The following ADAMTS2 variants were observed in gnomAD, a reference collection of about 807,000 sequenced individuals.
ADAMTS2 encodes the protein ADAM metallopeptidase with thrombospondin type 1 motif 2, also known as A disintegrin and metalloproteinase with thrombospondin motifs 2.
ADAMTS2 carries 50 observed loss-of-function variants against 123.0 expected under a neutral mutation model. The ratio of observed to expected loss-of-function variants is 0.41; its 90% CI spans 0.32 to 0.51. The LOEUF (loss-of-function observed/expected upper bound fraction) is 0.51, where lower values mean the gene tolerates loss of function less well. Ranked by LOEUF, ADAMTS2 falls within the 20% of genes least tolerant of loss-of-function variation. The pLI, the probability that ADAMTS2 is intolerant of heterozygous loss-of-function variation, is 0.35. For synonymous variants in ADAMTS2, 678 were observed against 695.4 expected, an observed-to-expected ratio of 0.98 and a Z score of 0.39; for missense variants, 1,494 against 1,705.2, an observed-to-expected ratio of 0.88 and a Z score of 2.18.
chr5:179,124,278 C>CA (rs1396617796), intron 19 of ADAMTS2, among the ~76,000 whole-genome samples: 2 of 152,172 alleles, frequency 1.3e-5, no homozygotes, highest in African/African-American at 4.8e-5. Flanking sequence ...ACCGGGCTGT[C>CA]AGAGCTCACG....
chr5:179,255,381 T>G (rs1305484131), intron 3 of ADAMTS2, among the ~76,000 whole-genome samples: 1 of 152,154 alleles, frequency 6.6e-6, no homozygotes, highest in Non-Finnish European at 1.5e-5. Context: ...TTATACACAT[T>G]TTTGGGGCAG....
rs1757901481 is a variant in ADAMTS2 at position 179,345,081 on chromosome 5, G to A, written c.139+109C>T. On this transcript the variant is annotated intron_variant, in intron 1 of 21. Transcript: ENST00000251582. This position sits in a 1 kb window ranked among gnomAD's most constrained non-coding sequence, Gnocchi z 7.5. ...AACTTGGCCCCGGGCGGGGCGCGCGGAGTTTGCCCAAGTCAGGCTGGACGA... is the reference window on the plus strand; with the variant it reads ...AACTTGGCCCCGGGCGGGGCGCGCGAAGTTTGCCCAAGTCAGGCTGGACGA... The A allele has an allele frequency of 1.8e-5, 16 of 867,216 alleles. No homozygotes were observed. Among genetic ancestry groups the A allele is most frequent in the Non-Finnish European group, 2.1e-5 (15 of 710,872 alleles). 53.7% of individuals were successfully genotyped at this position (867,216 alleles called of 1,614,324 possible).
At chr5:179,216,121 C>T (rs1051542044) in intron 3 of ADAMTS2, among the ~76,000 whole-genome samples, 11 of 152,190 alleles carry the variant, frequency 7.2e-5, no homozygotes, top group Non-Finnish European at 1.3e-4. Context: ...ATAGAGAAAA[C>T]GGGAGCCCAA....
At chr5:179,329,147 G>C (rs1415971140) in intron 2 of ADAMTS2, among the ~76,000 whole-genome samples, 1 of 151,778 alleles carries the variant, frequency 6.6e-6, no homozygotes, top group South Asian at 2.1e-4. Flanking sequence ...CTAACACGGT[G>C]AAACCCCGTC....
chr5:179,147,210 T>C (rs1763265930), intron 10 of ADAMTS2, among the ~76,000 whole-genome samples: 1 of 152,204 alleles, frequency 6.6e-6, no homozygotes, highest in Non-Finnish European at 1.5e-5. Context: ...TGCCTCAGCC[T>C]CCCCAGTAGC....
chr5:179,297,962 C>G (rs1463681319), intron 2 of ADAMTS2, among the ~76,000 whole-genome samples: 5 of 152,106 alleles, frequency 3.3e-5, no homozygotes, highest in Admixed American at 1.3e-4. Flanking sequence ...CTGCTCCCTC[C>G]CACGCACCAA....
chr5:179,342,374 TG>T, intron 2 of ADAMTS2, among the ~76,000 whole-genome samples: 1 of 152,270 alleles, frequency 6.6e-6, no homozygotes, highest in South Asian at 2.1e-4. Context: ...TCAGAGACAG[TG>T]GGCGATGTCA....
chr5:179,269,436 C>T (rs760818339), intron 3 of ADAMTS2, among the ~76,000 whole-genome samples: 9 of 152,154 alleles, frequency 5.9e-5, no homozygotes, highest in East Asian at 1.9e-4. Flanking sequence ...ATGAAAGGCA[C>T]GTCTCACATG....
intron 3 of ADAMTS2, among the ~76,000 whole-genome samples, chr5:179,257,968 C>T (rs898420718): frequency 3.3e-5 from 5 of 152,324 alleles, no homozygotes; most frequent in Admixed American, 2.0e-4. Context: ...TGGCCGACCC[C>T]GTGTCTACCT....
chr5:179,267,990 G>A (rs998156920), intron 3 of ADAMTS2, among the ~76,000 whole-genome samples: 21 of 152,230 alleles, frequency 1.4e-4, no homozygotes, highest in Non-Finnish European at 2.2e-4. Context: ...AGCTGTTGCC[G>A]ACTCACTGAG....
chr5:179,172,725 T>C (rs138476250), intron 5 of ADAMTS2, among the ~76,000 whole-genome samples: 16 of 152,362 alleles, frequency 1.1e-4, no homozygotes, highest in African/African-American at 2.6e-4. Flanking sequence ...GATGTCTTCA[T>C]TGAAATCAGA....
chr5:179,294,225 C>T (rs1756269583), intron 2 of ADAMTS2, among the ~76,000 whole-genome samples: 1 of 152,136 alleles, frequency 6.6e-6, no homozygotes, highest in Admixed American at 6.5e-5. Flanking sequence ...CACTGCACTC[C>T]AGCCTGGGTA....
At chr5:179,232,671 C>T (rs1006953665) in intron 3 of ADAMTS2, among the ~76,000 whole-genome samples, 1 of 152,176 alleles carries the variant, frequency 6.6e-6, no homozygotes, top group African/African-American at 2.4e-5. Context: ...GCCACTCAGA[C>T]GATTCCCACG....
intron 2 of ADAMTS2, among the ~76,000 whole-genome samples, chr5:179,310,247 C>T (rs1201006631): frequency 6.6e-6 from 1 of 152,228 alleles, no homozygotes; most frequent in Non-Finnish European, 1.5e-5. Context: ...GGCTGCAGCT[C>T]CCAGCGGGCA....
intron 2 of ADAMTS2, among the ~76,000 whole-genome samples, chr5:179,281,128 G>A (rs1274638624): frequency 6.6e-6 from 1 of 152,212 alleles, no homozygotes; most frequent in Non-Finnish European, 1.5e-5. Flanking sequence ...AAAGTGCTGG[G>A]ATTACAGGCA....
At position 179,285,502 on chromosome 5, in the gene ADAMTS2, C is replaced by T. The variant is rs571208832; in HGVS notation, c.535-12438G>A. On this transcript the variant is annotated intron_variant, in intron 2 of 21. Transcript: ENST00000251582. The surrounding 1 kb of genome is among the most constrained non-coding windows in gnomAD (Gnocchi z 4.9). ...CTCCCCCATCTCCATGGCTCCTGCA[C>T]ACACCAATGCCGGGGTAGCCTCCAG... Among the ~76,000 whole-genome samples, 9 of 152,320 alleles carry T rather than the reference C, an allele frequency of 5.9e-5. No homozygotes were observed. Among genetic ancestry groups the T allele is most frequent in the African/African-American group, 2.2e-4 (9 of 41,568 alleles).
intron 3 of ADAMTS2, among the ~76,000 whole-genome samples, chr5:179,267,864 C>G (rs558006139): frequency 6.6e-6 from 1 of 152,288 alleles, no homozygotes; most frequent in South Asian, 2.1e-4. Flanking sequence ...GGACCTGTCT[C>G]TGTGTCTCCA....
In ADAMTS2 at chr5:179,117,563, T is replaced by C. The variant is rs569363835; in HGVS notation, c.3179-3239A>G. Among the ~76,000 whole-genome samples the C allele has an allele frequency of 6.6e-6, 1 of 152,026 alleles. No individual in the cohort carries two copies. Among genetic ancestry groups the C allele is most frequent in the African/African-American group, 2.4e-5 (1 of 41,480 alleles). ...GGCCCATGCCCATGCATTTTTTTTTTTTTTTTTGAGATGAAGTCTTGCTCT... is the reference window on the plus strand; with the variant it reads ...GGCCCATGCCCATGCATTTTTTTTTCTTTTTTTGAGATGAAGTCTTGCTCT... On this transcript the variant is annotated intron_variant, in intron 21 of 21. Transcript: ENST00000251582. The surrounding 1 kb of genome is among the most constrained non-coding windows in gnomAD (Gnocchi z 4.2).
rs886060489 is a variant in ADAMTS2 at position 179,113,686 on chromosome 5, G to A, written c.*181C>T. ...GTCGCTCCTGGGCTGGGAAGCACAC[G>A]TGCTAACCTAGTTACCACATGCTCA... On this transcript the variant is annotated 3_prime_UTR_variant, in exon 22 of 22. Transcript: ENST00000251582. The A allele has an allele frequency of 1.8e-5, 12 of 673,058 alleles. No individual in the cohort carries two copies. Among genetic ancestry groups the A allele is most frequent in the East Asian group, 2.7e-5 (1 of 36,426 alleles). The allele number at this position is 673,058 out of a possible 1,614,324, so 41.7% of individuals were successfully genotyped here.
Sources: allele counts gnomAD v4.1 joint callset (sites outside exome capture counted in the v4.1 genomes callset), GRCh38; gene constraint gnomAD v4.1.1; non-coding constraint Gnocchi (gnomAD v3.1); transcripts MANE v1.5; gene names NCBI Gene and HGNC (gene_info 2026-07-23, HGNC 2026-07-21).